FBP2: variants seen among roughly 807,000 people sequenced by gnomAD.
FBP2 encodes fructose-1,6-bisphosphatase isozyme 2.
In FBP2, 27 loss-of-function variants were observed where a neutral mutation model predicts 31.6. The observed-to-expected ratio is 0.85, with a 90% confidence interval of 0.63 to 1.18. The LOEUF is 1.18. Among genes scored for constraint, FBP2 ranks in the 50% most tolerant of loss-of-function variants. The probability of loss-of-function intolerance (pLI) is 0.00; values close to 1 mark genes in which losing one functional copy is unlikely to be tolerated. For missense variants in FBP2, 421 were observed against 436.1 expected, an observed-to-expected ratio of 0.97 and a Z score of 0.31; for synonymous variants, 168 against 179.8, an observed-to-expected ratio of 0.93 and a Z score of 0.53.
intron 5 of FBP2, 30 bp from the exon 6 acceptor site, chr9:94,563,491 C>G (rs1827139969): frequency 1.2e-6 from 2 of 1,604,490 alleles, no homozygotes; most frequent in Non-Finnish European, 1.7e-6. Flanking sequence ...GAGACAAGAT[C>G]CAGTGGCTTT....
intron 3 of FBP2, among the ~76,000 whole-genome samples, chr9:94,579,114 C>G (rs1415632719): frequency 3.9e-5 from 4 of 103,386 alleles, no homozygotes. Context: ...AAAAAAAAAA[C>G]TTGGCCAGGC....
chr9:94,593,711 G>C lies in FBP2; in HGVS notation c.16C>G (p.Pro6Ala), dbSNP rs754512471. The part of the protein sequence containing the change: MTDRS[P>A]FETDMLTLTR... ...AGGGTGAGCATGTCGGTTTCGAAGG[G>C]GCTTCTGTCCGTCATTTTGGCTGGA... The change falls in exon 1 of 7, where the codon CCC becomes GCC. Residue 6 changes from proline (P) to alanine (A), a missense_variant. Physicochemically the swap from Pro to Ala is conservative, Grantham distance 27 (BLOSUM62 -1). Transcript: ENST00000375337. The C allele has an allele frequency of 1.9e-6, 3 of 1,614,130 alleles. No homozygotes were observed. Among genetic ancestry groups the C allele is most frequent in the Non-Finnish European group, 2.5e-6 (3 of 1,179,990 alleles).
chr9:94,560,750 A>G (rs919344526), intron 6 of FBP2, among the ~76,000 whole-genome samples: 1 of 147,702 alleles, frequency 6.8e-6, no homozygotes, highest in Non-Finnish European at 1.5e-5. Context: ...ATAATATGTT[A>G]TATATTTATA....
At chr9:94,587,255 G>T in intron 2 of FBP2, 52 bp downstream of exon 2, 1 of 1,502,426 alleles carries the variant, frequency 6.7e-7, no homozygotes, top group Non-Finnish European at 9.0e-7. Context: ...GCTTATTTCC[G>T]GCTCAGTATC....
intron 1 of FBP2, among the ~76,000 whole-genome samples, chr9:94,590,453 C>A (rs375105573): frequency 3.0e-5 from 1 of 33,294 alleles, no homozygotes; most frequent in Non-Finnish European, 5.9e-5. Context: ...CGGTCCCCTG[C>A]CTGGGTGGTG....
intron 3 of FBP2, among the ~76,000 whole-genome samples, chr9:94,576,092 A>G (rs1827312015): frequency 6.6e-6 from 1 of 152,182 alleles, no homozygotes; most frequent in South Asian, 2.1e-4. Context: ...CCTAGCTGCA[A>G]AATTCCAGAG....
At chr9:94,568,990 A>T (rs558753) in intron 4 of FBP2, 73,768 of 151,904 alleles carry the variant, frequency 0.49, 18,498 homozygotes, top group African/African-American at 0.6. Flanking sequence ...TGCCTGCTAA[A>T]TCTAACTTCG....
At position 94,559,149 on chromosome 9, in the gene FBP2, G is replaced by A; in HGVS notation, c.826-17C>T. ...GAGCCGGAGCTGTGGAGGAACAGAG[G>A]CAGGTGAGTAAACTCTGCAAGTGGC... On this transcript the variant is annotated splice_polypyrimidine_tract_variant and intron_variant, in intron 6 of 6. Transcript: ENST00000375337. 6.2e-7 allele frequency: 1 copy of A among 1,603,942 alleles called. No homozygotes were observed. The highest frequency in any genetic ancestry group is 8.5e-7 in the Non-Finnish European group (1 of 1,173,516).
At chr9:94,574,671 G>T (rs1324572039) in intron 3 of FBP2, among the ~76,000 whole-genome samples, 1 of 151,952 alleles carries the variant, frequency 6.6e-6, no homozygotes, top group African/African-American at 2.4e-5. Context: ...TTCTTCTCTT[G>T]TCTTTATGTT....
At chr9:94,591,971 T>C (rs192463066) in intron 1 of FBP2, among the ~76,000 whole-genome samples, 74 of 152,254 alleles carry the variant, frequency 4.9e-4, no homozygotes, top group Admixed American at 1.4e-3. Context: ...ACCCCTACCA[T>C]GGCAGCCACT....
intron 1 of FBP2, among the ~76,000 whole-genome samples, chr9:94,591,697 A>G (rs933668300): frequency 3.9e-5 from 6 of 152,172 alleles, no homozygotes; most frequent in Admixed American, 3.3e-4. Context: ...AGTGACAGGC[A>G]CTGTGCGTGT....
At chr9:94,568,807 A>G (rs1397874426) in intron 4 of FBP2, 1 of 152,152 alleles carries the variant, frequency 6.6e-6, no homozygotes, top group Non-Finnish European at 1.5e-5. Context: ...TCTGCCTCCT[A>G]GATAAAAATG....
At chr9:94,587,931 C>T (rs1397290102) in intron 1 of FBP2, among the ~76,000 whole-genome samples, 1 of 152,166 alleles carries the variant, frequency 6.6e-6, no homozygotes, top group Non-Finnish European at 1.5e-5. Flanking sequence ...TCACTGCAAG[C>T]TCCGCCTCCT....
At position 94,558,998 on chromosome 9, in the gene FBP2, C is replaced by T; in HGVS notation, c.960G>A (p.Gly320=). 1 of 1,614,104 alleles carries T rather than the reference C, an allele frequency of 6.2e-7. No homozygotes were observed. The highest frequency in any genetic ancestry group is 2.2e-5 in the East Asian group (1 of 44,854). ...AIHQRVPLIL[G]SPEDVQEYLT... ...GATATTCCTGCACATCCTCTGGTGA[C>T]CCCAGAATGAGGGGGACTCGCTGGT... Residue 320 remains glycine (G), a synonymous_variant, in exon 7 of 7, where the codon GGG becomes GGA. Transcript: ENST00000375337.
intron 5 of FBP2, among the ~76,000 whole-genome samples, chr9:94,565,030 ACAT>A (rs1388621822): frequency 8.5e-5 from 13 of 152,168 alleles, no homozygotes; most frequent in Non-Finnish European, 1.6e-4. Flanking sequence ...ATATAATGAA[ACAT>A]CAGTATGTAT....
chr9:94,572,127 CTG>C (rs959866946), intron 3 of FBP2, among the ~76,000 whole-genome samples: 2 of 152,166 alleles, frequency 1.3e-5, no homozygotes, highest in African/African-American at 2.4e-5. Flanking sequence ...CTCTCTGACT[CTG>C]TGGATGCTCC....
chr9:94,562,669 G>A (rs974881949), intron 6 of FBP2, among the ~76,000 whole-genome samples: 2 of 152,130 alleles, frequency 1.3e-5, no homozygotes, highest in East Asian at 3.8e-4. Flanking sequence ...ACTTACCTAC[G>A]ATTTCTGTGA....
At position 94,567,673 on chromosome 9, in the gene FBP2, C is replaced by T. The variant is rs1827211158; in HGVS notation, c.568-266G>A. 3 of 402,790 alleles carry T rather than the reference C, an allele frequency of 7.4e-6. No homozygotes were observed. The Admixed American group carries it at 1.1e-4, about 15-fold the overall frequency. 25.0% of individuals were successfully genotyped at this position (402,790 alleles called of 1,614,324 possible). A position where few individuals can be genotyped will look rare whatever the true frequency, so the allele number is the denominator to read the frequency against. On this transcript the variant is annotated intron_variant, in intron 4 of 6. Coordinates refer to ENST00000375337, the MANE Select transcript of FBP2 (RefSeq NM_003837.4). ...GCAGCCCATAGTCTTCTTTCTTTTC[C>T]TGTGCATCTTCCACTGTCAGTGAGG...
At chr9:94,592,213 G>C (rs1473399647) in intron 1 of FBP2, among the ~76,000 whole-genome samples, 1 of 152,094 alleles carries the variant, frequency 6.6e-6, no homozygotes, top group African/African-American at 2.4e-5. Flanking sequence ...TGCCAAATGA[G>C]GTAAAAACAG....
Sources: gnomAD v4.1 joint callset for allele counts (sites outside exome capture counted in the v4.1 genomes callset) on GRCh38, gnomAD v4.1.1 for gene constraint, MANE v1.5 for transcripts, NCBI Gene and HGNC (gene_info 2026-07-23, HGNC 2026-07-21) for gene names.